Variants in ASPRV1 observed in about 807,000 individuals in gnomAD.
ASPRV1 encodes the protein retroviral-like aspartic protease 1.
In ASPRV1, 7 loss-of-function variants were observed where a neutral mutation model predicts 11.0. The ratio of observed to expected loss-of-function variants is 0.64; its 90% CI spans 0.36 to 1.20. The LOEUF (loss-of-function observed/expected upper bound fraction) is 1.20, where lower values mean the gene tolerates loss of function less well. Among genes scored for constraint, ASPRV1 ranks in the 50% most tolerant of loss-of-function variants. The pLI is 0.02. For synonymous variants in ASPRV1, 136 were observed against 138.4 expected (o/e 0.98, Z 0.12); for missense variants, 299 against 320.0 (o/e 0.93, Z 0.50).
upstream of ASPRV1, chr2:69,964,405 C>A (rs1374897102): frequency 4.5e-6 from 2 of 442,628 alleles, no homozygotes; most frequent in Admixed American, 2.6e-5. Context: ...AGCCTCTGGC[C>A]GAGTCTGGGA....
chr2:70,037,434 G>A, the ASPRV1 span, among the ~76,000 whole-genome samples: 1 of 152,058 alleles, frequency 6.6e-6, no homozygotes, highest in African/African-American at 2.4e-5. Context: ...GGCCGTTCTC[G>A]TGCCTCAGCC....
chr2:69,967,805 G>A, the ASPRV1 span, among the ~76,000 whole-genome samples: 1 of 152,190 alleles, frequency 6.6e-6, no homozygotes, highest in Non-Finnish European at 1.5e-5. Flanking sequence ...AATAGGCCAG[G>A]CATGGTGGCT....
At chr2:69,988,848 G>T in the ASPRV1 span, 5 of 456,366 alleles carry the variant, frequency 1.1e-5, no homozygotes, top group African/African-American at 8.0e-5. Context: ...TCTGGAGTAG[G>T]ATGGGAGGGG....
chr2:70,073,653 C>T, the ASPRV1 span, among the ~76,000 whole-genome samples: 1 of 152,036 alleles, frequency 6.6e-6, no homozygotes, highest in African/African-American at 2.4e-5. Flanking sequence ...GGAATGAAAC[C>T]TAAATGTGCG....
chr2:70,026,529 C>T, the ASPRV1 span, among the ~76,000 whole-genome samples: 2 of 151,638 alleles, frequency 1.3e-5, no homozygotes, highest in Non-Finnish European at 2.9e-5. Flanking sequence ...AACCAACATA[C>T]GAAAATCAGT....
At chr2:70,087,348 T>G in the ASPRV1 span, 1 of 152,182 alleles carries the variant, frequency 6.6e-6, no homozygotes, top group East Asian at 1.9e-4. Context: ...TTAAGGACCA[T>G]GTAAGGGTTG....
At chr2:70,001,815 A>G in the ASPRV1 span, among the ~76,000 whole-genome samples, 1 of 152,190 alleles carries the variant, frequency 6.6e-6, no homozygotes, top group Admixed American at 6.5e-5. Flanking sequence ...AGAATTATAT[A>G]TAATGGACAC....
the ASPRV1 span, chr2:70,086,942 G>C: frequency 6.6e-6 from 1 of 152,236 alleles, no homozygotes; most frequent in Non-Finnish European, 1.5e-5. Context: ...CCGGACGCCG[G>C]GGACGAAAGG....
downstream of ASPRV1, among the ~76,000 whole-genome samples, chr2:69,959,295 G>T (rs1216378227): frequency 6.6e-6 from 1 of 152,098 alleles, no homozygotes; most frequent in Non-Finnish European, 1.5e-5. Context: ...TTTGGAGGGT[G>T]CAGGCCACCC....
At chr2:69,958,044 C>G (rs1677979718), downstream of ASPRV1, among the ~76,000 whole-genome samples, 1 of 152,164 alleles carries the variant, frequency 6.6e-6, no homozygotes, top group Non-Finnish European at 1.5e-5. Flanking sequence ...AACTCCTCAC[C>G]CAGACAGCAA....
the ASPRV1 span, among the ~76,000 whole-genome samples, chr2:70,054,890 G>A: frequency 1.3e-5 from 2 of 152,160 alleles, no homozygotes; most frequent in East Asian, 1.9e-4. Context: ...AGTTAACTAA[G>A]ATATTATTTA....
the ASPRV1 span, among the ~76,000 whole-genome samples, chr2:69,980,110 C>A: frequency 8.5e-5 from 13 of 152,310 alleles, no homozygotes; most frequent in East Asian, 2.3e-3. Context: ...ACAGGGAGCA[C>A]GTGGGCAGCC....
At chr2:70,026,415 A>G in the ASPRV1 span, among the ~76,000 whole-genome samples, 1 of 152,136 alleles carries the variant, frequency 6.6e-6, no homozygotes, top group Non-Finnish European at 1.5e-5. Context: ...ATTGGAAAGG[A>G]AGAAGTCAAA....
At chr2:70,080,357 G>A in the ASPRV1 span, among the ~76,000 whole-genome samples, 1 of 152,050 alleles carries the variant, frequency 6.6e-6, no homozygotes, top group Non-Finnish European at 1.5e-5. Context: ...CACCCAAGTA[G>A]CTGGGATTGT....
chr2:69,944,298 T>C, the ASPRV1 span, among the ~76,000 whole-genome samples: 1 of 152,242 alleles, frequency 6.6e-6, no homozygotes, highest in African/African-American at 2.4e-5. Flanking sequence ...GTTTCCTGAC[T>C]TGTTCACAGT....
the ASPRV1 span, among the ~76,000 whole-genome samples, chr2:70,059,275 T>C: frequency 6.9e-6 from 1 of 145,800 alleles, no homozygotes; most frequent in Non-Finnish European, 1.5e-5. Flanking sequence ...TTTTTTTTTA[T>C]GGTAAATTGA....
chr2:70,061,419 A>C, the ASPRV1 span, among the ~76,000 whole-genome samples: 136 of 151,800 alleles, frequency 9.0e-4, no homozygotes, highest in African/African-American at 3.1e-3. Context: ...ACAAAAAAAA[A>C]CCTAGGGATA....
chr2:69,945,831 G>T, the ASPRV1 span, among the ~76,000 whole-genome samples: 13 of 152,236 alleles, frequency 8.5e-5, no homozygotes, highest in African/African-American at 3.1e-4. Context: ...GCCCACTCAG[G>T]CCCTGGAGAA....
At chr2:70,052,180 G>C in the ASPRV1 span, among the ~76,000 whole-genome samples, 1 of 152,110 alleles carries the variant, frequency 6.6e-6, no homozygotes. Flanking sequence ...TAGAAGGGAA[G>C]AGAGATAGGG....
Sources: gnomAD v4.1 joint callset for allele counts (sites outside exome capture counted in the v4.1 genomes callset) on GRCh38, gnomAD v4.1.1 for gene constraint, MANE v1.5 for transcripts, NCBI Gene and HGNC (gene_info 2026-07-23, HGNC 2026-07-21) for gene names.